The following PCDHGA8 variants were observed in gnomAD, a reference collection of about 807,000 sequenced individuals.
PCDHGA8 encodes the protein protocadherin gamma subfamily A, 8.
Under a neutral mutation model 59.2 loss-of-function variants are expected in PCDHGA8, and 45 were observed. That is an observed-to-expected ratio of 0.76 (90% CI 0.60 to 0.98). The LOEUF (loss-of-function observed/expected upper bound fraction) is 0.98, where lower values mean the gene tolerates loss of function less well. PCDHGA8 is among the 50% of genes least tolerant of loss of function. The pLI is 0.00. For synonymous variants in PCDHGA8, 531 were observed against 519.0 expected (o/e 1.02, Z -0.32); for missense variants, 1,257 against 1,196.2 (o/e 1.05, Z -0.75).
intron 1 of PCDHGA8, among the ~76,000 whole-genome samples, chr5:141,456,406 G>A (rs1038971451): frequency 2.0e-5 from 3 of 152,080 alleles, no homozygotes; most frequent in South Asian, 2.1e-4. Flanking sequence ...GCTTCTAGGC[G>A]AGAAGAAACA....
intron 1 of PCDHGA8, among the ~76,000 whole-genome samples, chr5:141,479,914 G>T (rs2099509746): frequency 6.6e-6 from 1 of 152,148 alleles, no homozygotes; most frequent in South Asian, 2.1e-4. Context: ...CTGTTATTTT[G>T]TTACTCAGTG....
At chr5:141,442,472 C>A (rs1032989256) in intron 1 of PCDHGA8, 4 of 152,204 alleles carry the variant, frequency 2.6e-5, no homozygotes, top group African/African-American at 9.7e-5. Flanking sequence ...GCAGAAAGCC[C>A]CTTGGGGAAG....
chr5:141,431,023 C>G lies in PCDHGA8; in HGVS notation c.2424+35786C>G. 6.2e-7 allele frequency: 1 copy of G among 1,613,748 alleles called. No homozygotes were observed. Among genetic ancestry groups the G allele is most frequent in the Non-Finnish European group, 8.5e-7 (1 of 1,179,820 alleles). On this transcript the variant is annotated intron_variant, in intron 1 of 3. Transcript: ENST00000398604. This position sits in a 1 kb window ranked among gnomAD's most constrained non-coding sequence, Gnocchi z 4.8. ...GCAGCGGCAGCTTGGTCACGGCGGG[C>G]AGGATAGACCGGGAGGAGCTCTGTA...
chr5:141,424,365 T>A (rs933291305), intron 1 of PCDHGA8: 7 of 152,246 alleles, frequency 4.6e-5, no homozygotes, highest in African/African-American at 1.7e-4. Context: ...TAGATCACAT[T>A]TTTTCTTAAG....
At chr5:141,478,215 T>C (rs764444582) in intron 1 of PCDHGA8, 11 of 1,614,118 alleles carry the variant, frequency 6.8e-6, no homozygotes. Context: ...TCTCTAATCC[T>C]GGTTTCTGTG....
intron 1 of PCDHGA8, among the ~76,000 whole-genome samples, chr5:141,455,769 C>T (rs1371335785): frequency 2.6e-5 from 4 of 152,014 alleles, no homozygotes; most frequent in Admixed American, 2.6e-4. Flanking sequence ...AGAGCCGGGG[C>T]TTTAAAAGAA....
At chr5:141,440,912 G>T (rs1281398967) in intron 1 of PCDHGA8, 1 of 152,254 alleles carries the variant, frequency 6.6e-6, no homozygotes, top group Admixed American at 6.5e-5. Context: ...GGGCACTCCT[G>T]TGCTGAGAGT....
At chr5:141,421,762 T>G (rs1272315856) in intron 1 of PCDHGA8, 2 of 1,613,884 alleles carry the variant, frequency 1.2e-6, no homozygotes, top group Non-Finnish European at 8.5e-7. Context: ...TAATAATTAC[T>G]TTTCCTTGCA....
chr5:141,498,042 A>G (rs1189035278), intron 2 of PCDHGA8, among the ~76,000 whole-genome samples: 2 of 152,238 alleles, frequency 1.3e-5, no homozygotes, highest in Non-Finnish European at 2.9e-5. Flanking sequence ...AATAATTACA[A>G]AAATAAATGT....
rs775303289 is a variant in PCDHGA8, at chr5:141,393,350, C to T, written c.537C>T (p.Ser179=). ...SYQLSPNHHF[S]LDVQTGDNGA... ...AGCTCAGCCCCAATCACCACTTCTC[C>T]CTGGACGTGCAGACTGGAGACAATG... Residue 179 remains serine (S), a synonymous_variant, in exon 1 of 4, where the codon TCC becomes TCT. Coordinates refer to ENST00000398604, the MANE Select transcript of PCDHGA8 (RefSeq NM_032088.2). 25 of 1,613,840 alleles carry T rather than the reference C, an allele frequency of 1.5e-5. No homozygotes were observed. The highest frequency in any genetic ancestry group is 1.9e-5 in the Non-Finnish European group (22 of 1,179,892).
Position 141,476,201 on chromosome 5 carries a change from G to C in PCDHGA8, c.2425-18606G>C. ...GCTTCTGCTTGGTGCCTTGAACAAG[G>C]CTTCCACGGTCATTCACTATGAGAT... is the stretch of plus-strand genomic sequence containing the variant. On this transcript the variant is annotated intron_variant, in intron 1 of 3. Coordinates refer to ENST00000398604, the MANE Select transcript of PCDHGA8 (RefSeq NM_032088.2). This position sits in a 1 kb window ranked among gnomAD's most constrained non-coding sequence, Gnocchi z 7.6. 6.2e-7 allele frequency: 1 copy of C among 1,613,986 alleles called. No individual in the cohort carries two copies. The highest frequency in any genetic ancestry group is 8.5e-7 in the Non-Finnish European group (1 of 1,180,028).
In PCDHGA8 at chr5:141,489,493, G is replaced by C. The variant is rs1485293604; in HGVS notation, c.2425-5314G>C. 3 of 1,614,078 alleles carry C rather than the reference G, an allele frequency of 1.9e-6. No homozygotes were observed. The South Asian group carries it at 3.3e-5, about 18-fold the overall frequency. On this transcript the variant is annotated intron_variant, in intron 1 of 3. Coordinates refer to ENST00000398604, the MANE Select transcript of PCDHGA8 (RefSeq NM_032088.2). This position sits in a 1 kb window ranked among gnomAD's most constrained non-coding sequence, Gnocchi z 4.5. Reference sequence around the variant, plus strand: ...CCTGAGCTTGATGAGTGGTGCCCTGGCAGTGAATCAAAAGATTGACCGAGA... The same window carrying C: ...CCTGAGCTTGATGAGTGGTGCCCTGCCAGTGAATCAAAAGATTGACCGAGA...
intron 1 of PCDHGA8, chr5:141,399,663 G>C: frequency 6.2e-7 from 1 of 1,613,624 alleles, no homozygotes; most frequent in Non-Finnish European, 8.5e-7. Context: ...TGGTGTTCGC[G>C]CAGCGCGCCT....
intron 1 of PCDHGA8, among the ~76,000 whole-genome samples, chr5:141,438,764 C>A (rs963627140): frequency 6.7e-6 from 1 of 148,638 alleles, no homozygotes; most frequent in Non-Finnish European, 1.5e-5. Flanking sequence ...TGGGTTCAAG[C>A]GATTCTCCTG....
At position 141,486,827 on chromosome 5, in the gene PCDHGA8, C is replaced by G. The variant is rs758132181; in HGVS notation, c.2425-7980C>G. 1.2e-6 allele frequency: 2 copies of G among 1,614,228 alleles called. No homozygotes were observed. Among genetic ancestry groups the G allele is most frequent in the Admixed American group, 1.7e-5 (1 of 60,034 alleles). On this transcript the variant is annotated intron_variant, in intron 1 of 3. Transcript: ENST00000398604. This position sits in a 1 kb window ranked among gnomAD's most constrained non-coding sequence, Gnocchi z 5.0. ...ACCCCTTAGCAGCACTGTAACAGTTCGTCTATTTGTGCTGGACCTCAATGA... is the reference window on the plus strand; with the variant it reads ...ACCCCTTAGCAGCACTGTAACAGTTGGTCTATTTGTGCTGGACCTCAATGA...
intron 1 of PCDHGA8, chr5:141,409,428 C>T (rs2095264686): frequency 6.2e-7 from 1 of 1,613,870 alleles, no homozygotes; most frequent in Admixed American, 1.7e-5. Context: ...ACAGATGGAG[C>T]CCTGGACCGA....
intron 1 of PCDHGA8, among the ~76,000 whole-genome samples, chr5:141,472,113 A>G (rs1296591849): frequency 1.3e-5 from 2 of 152,260 alleles, no homozygotes; most frequent in East Asian, 3.8e-4. Flanking sequence ...ATACATAAAG[A>G]AAATAAAAGA....
At position 141,485,632 on chromosome 5, in the gene PCDHGA8, G is replaced by C; in HGVS notation, c.2425-9175G>C. 6.2e-7 allele frequency: 1 copy of C among 1,611,766 alleles called. No individual in the cohort carries two copies. The highest frequency in any genetic ancestry group is 8.5e-7 in the Non-Finnish European group (1 of 1,178,342). ...CAGCTCCTCCAGGACAGCGTTTCCC[G>C]TTGGAAAAGGCTCAGGATGCAGATG... is the stretch of plus-strand genomic sequence containing the variant. On this transcript the variant is annotated intron_variant, in intron 1 of 3. Coordinates refer to ENST00000398604, the MANE Select transcript of PCDHGA8 (RefSeq NM_032088.2). This position sits in a 1 kb window ranked among gnomAD's most constrained non-coding sequence, Gnocchi z 5.7.
intron 1 of PCDHGA8, among the ~76,000 whole-genome samples, chr5:141,457,343 T>C (rs1372992422): frequency 6.6e-6 from 1 of 152,240 alleles, no homozygotes; most frequent in African/African-American, 2.4e-5. Flanking sequence ...TTACTTACTT[T>C]CATTACCTGG....
Sources: allele counts gnomAD v4.1 joint callset (sites outside exome capture counted in the v4.1 genomes callset), GRCh38; gene constraint gnomAD v4.1.1; non-coding constraint Gnocchi (gnomAD v3.1); transcripts MANE v1.5; gene names NCBI Gene and HGNC (gene_info 2026-07-23, HGNC 2026-07-21).